The following TAF4B variants were observed in gnomAD, a reference collection of about 807,000 sequenced individuals.
TAF4B encodes transcription initiation factor TFIID subunit 4B.
TAF4B carries 38 observed loss-of-function variants against 86.4 expected under a neutral mutation model. The ratio of observed to expected loss-of-function variants is 0.44; its 90% CI spans 0.34 to 0.58. The LOEUF is 0.58. Among genes scored for constraint, TAF4B ranks in the 20% least tolerant of loss-of-function variants. The pLI is 0.02. For synonymous variants in TAF4B, 388 were observed against 391.2 expected (o/e 0.99, Z 0.10); for missense variants, 988 against 1,027.6 (o/e 0.96, Z 0.53).
chr18:26,321,038 A>G, intron 10 of TAF4B, 32 bp from the exon 11 acceptor site: 2 of 1,612,806 alleles, frequency 1.2e-6, no homozygotes, highest in Non-Finnish European at 1.7e-6. Context: ...GCCACTACTA[A>G]AACACGTAAT....
At chr18:26,336,711 A>G (rs181645796) in intron 13 of TAF4B, among the ~76,000 whole-genome samples, 92 of 152,312 alleles carry the variant, frequency 6.0e-4, no homozygotes, top group African/African-American at 2.1e-3. Flanking sequence ...GGGATGGGCA[A>G]CCTACTGTTG....
chr18:26,388,502 T>C (rs1373602617), intron 14 of TAF4B, among the ~76,000 whole-genome samples: 1 of 152,218 alleles, frequency 6.6e-6, no homozygotes, highest in African/African-American at 2.4e-5. Context: ...GGGTATGTAG[T>C]GGTGGCGGGA....
At chr18:26,346,805 ATATATATATATG>A (rs1567913820) in intron 13 of TAF4B, among the ~76,000 whole-genome samples, 2 of 24,620 alleles carry the variant, frequency 8.1e-5, no homozygotes, top group African/African-American at 2.0e-4. Flanking sequence ...ATATGTGTAT[ATATATATATATG>A]TGTGTGTATA....
intron 10 of TAF4B, among the ~76,000 whole-genome samples, chr18:26,317,024 C>T (rs1458781427): frequency 1.5e-5 from 2 of 133,908 alleles, no homozygotes; most frequent in Non-Finnish European, 3.2e-5. Flanking sequence ...CCCTCCCTTC[C>T]GATTTTTTTT....
intron 14 of TAF4B, among the ~76,000 whole-genome samples, chr18:26,380,664 A>T: frequency 6.6e-6 from 1 of 152,076 alleles, no homozygotes; most frequent in South Asian, 2.1e-4. Context: ...TTTGCCTGAT[A>T]CTATTATAGC....
At chr18:26,255,527 C>A (rs1041361565) in intron 1 of TAF4B, among the ~76,000 whole-genome samples, 1 of 143,066 alleles carries the variant, frequency 7.0e-6, no homozygotes, top group Non-Finnish European at 1.5e-5. Context: ...CACTTGAACC[C>A]GGGAGACGAA....
intron 14 of TAF4B, among the ~76,000 whole-genome samples, chr18:26,380,474 A>G (rs1259967713): frequency 1.3e-5 from 2 of 152,244 alleles, no homozygotes; most frequent in African/African-American, 2.4e-5. Context: ...GTCAGAGAAC[A>G]TAGCCTGATT....
chr18:26,322,023 G>A (rs1007781827), intron 11 of TAF4B, among the ~76,000 whole-genome samples: 1 of 152,088 alleles, frequency 6.6e-6, no homozygotes, highest in Admixed American at 6.6e-5. Context: ...CGAATATATT[G>A]GGTGATTAGG....
chr18:26,243,004 G>T (rs914080744), intron 1 of TAF4B, among the ~76,000 whole-genome samples: 18 of 152,100 alleles, frequency 1.2e-4, no homozygotes, highest in South Asian at 4.1e-4. Flanking sequence ...TTTCTCTCTG[G>T]CTGCCCTTAA....
At chr18:26,376,250 T>C (rs752098726) in intron 14 of TAF4B, among the ~76,000 whole-genome samples, 49 of 151,290 alleles carry the variant, frequency 3.2e-4, no homozygotes, top group Non-Finnish European at 6.3e-4. Flanking sequence ...AGGTAGACAG[T>C]ATTTTGATAG....
intron 14 of TAF4B, among the ~76,000 whole-genome samples, chr18:26,358,015 T>G (rs987407512): frequency 2.0e-5 from 3 of 152,214 alleles, no homozygotes; most frequent in Admixed American, 1.3e-4. Context: ...GTTACTTATT[T>G]CATACTTTTT....
intron 9 of TAF4B, among the ~76,000 whole-genome samples, chr18:26,305,495 C>G (rs1305828489): frequency 6.6e-6 from 1 of 152,180 alleles, no homozygotes; most frequent in Non-Finnish European, 1.5e-5. Flanking sequence ...ACAACCTCCA[C>G]CTGCTGGGTT....
intron 3 of TAF4B, among the ~76,000 whole-genome samples, chr18:26,271,103 C>G (rs1468024147): frequency 6.6e-6 from 1 of 152,164 alleles, no homozygotes; most frequent in African/African-American, 2.4e-5. Context: ...ATAAGCATCT[C>G]AGTTTTAGGC....
At chr18:26,314,955 C>CA (rs1226041710) in intron 9 of TAF4B, among the ~76,000 whole-genome samples, 1 of 152,060 alleles carries the variant, frequency 6.6e-6, no homozygotes, top group Non-Finnish European at 1.5e-5. Flanking sequence ...ATTAAATATA[C>CA]ATTGGTGGTT....
chr18:26,250,106 G>C (rs1361178503), intron 1 of TAF4B, among the ~76,000 whole-genome samples: 1 of 152,010 alleles, frequency 6.6e-6, no homozygotes, highest in Non-Finnish European at 1.5e-5. Flanking sequence ...CTCGAACATG[G>C]CTCACTGCAG....
intron 14 of TAF4B, among the ~76,000 whole-genome samples, chr18:26,365,525 T>A (rs1348095822): frequency 6.6e-6 from 1 of 151,974 alleles, no homozygotes; most frequent in Non-Finnish European, 1.5e-5. Context: ...CCATGAACCG[T>A]AGGAACTCTG....
chr18:26,383,358 A>T (rs1012302513), intron 14 of TAF4B, among the ~76,000 whole-genome samples: 1 of 152,226 alleles, frequency 6.6e-6, no homozygotes, highest in African/African-American at 2.4e-5. Context: ...GTGAAAATGT[A>T]AAAGTAGATG....
chr18:26,242,111 C>T (rs1460016771), intron 1 of TAF4B, among the ~76,000 whole-genome samples: 8 of 152,156 alleles, frequency 5.3e-5, no homozygotes, highest in Admixed American at 1.3e-4. Context: ...CTGCTTGGTG[C>T]AGAGCTGAGT....
chr18:26,228,013 A>G (rs2055604898), intron 1 of TAF4B, among the ~76,000 whole-genome samples: 1 of 152,226 alleles, frequency 6.6e-6, no homozygotes, highest in Admixed American at 6.5e-5. Context: ...CAGATCAGTC[A>G]TGCAATTGTT....
Sources: gnomAD v4.1 joint callset for allele counts (sites outside exome capture counted in the v4.1 genomes callset) on GRCh38, gnomAD v4.1.1 for gene constraint, MANE v1.5 for transcripts, NCBI Gene and HGNC (gene_info 2026-07-23, HGNC 2026-07-21) for gene names.